The following PSPC1 variants were observed in gnomAD, a reference collection of about 807,000 sequenced individuals.
The protein encoded by PSPC1 is paraspeckle component 1.
In PSPC1, 14 loss-of-function variants were observed where a neutral mutation model predicts 51.6. The ratio of observed to expected loss-of-function variants is 0.27; its 90% CI spans 0.18 to 0.42. The LOEUF is 0.42. PSPC1 is among the 10% of genes least tolerant of loss of function. The pLI is 1.00. For synonymous variants in PSPC1, 193 were observed against 231.9 expected (o/e 0.83, Z 1.53); for missense variants, 406 against 701.1 (o/e 0.58, Z 4.75).
chr13:19,751,515 C>T (rs760617138), intron 3 of PSPC1, 48 bp from the exon 4 acceptor site: 60 of 1,332,006 alleles, frequency 4.5e-5, no homozygotes, highest in Non-Finnish European at 5.5e-5. Flanking sequence ...AAAGGTAAAA[C>T]AACAACAAAT....
chr13:19,678,023 T>C (rs150444208), intron 6 of PSPC1: 99 of 333,952 alleles, frequency 3.0e-4, no homozygotes, highest in African/African-American at 1.9e-3. Context: ...TCAAAGAACA[T>C]CAACTGAATT....
intron 6 of PSPC1, among the ~76,000 whole-genome samples, chr13:19,724,947 C>T (rs142769974): frequency 0.01 from 1,545 of 151,942 alleles, 27 homozygotes; most frequent in African/African-American, 0.035. Context: ...TGGAGTGGGC[C>T]GAAATCATGT....
chr13:19,729,768 T>A (rs961006570), intron 6 of PSPC1, among the ~76,000 whole-genome samples: 10 of 152,130 alleles, frequency 6.6e-5, no homozygotes, highest in Admixed American at 3.9e-4. Flanking sequence ...ATACTGAAAA[T>A]AAAATTATAT....
intron 6 of PSPC1, chr13:19,678,462 T>G (rs1042554273): frequency 2.0e-5 from 3 of 152,194 alleles, no homozygotes; most frequent in African/African-American, 7.2e-5. Context: ...CATACACAAT[T>G]GCATTTTGGG....
chr13:19,692,366 T>C (rs569487402), intron 6 of PSPC1, among the ~76,000 whole-genome samples: 17 of 152,164 alleles, frequency 1.1e-4, no homozygotes, highest in African/African-American at 2.9e-4. Flanking sequence ...TCCACCCACC[T>C]TGACCTCCCA....
intron 6 of PSPC1, among the ~76,000 whole-genome samples, chr13:19,688,128 C>G (rs1878140016): frequency 6.6e-6 from 1 of 152,096 alleles, no homozygotes; most frequent in African/African-American, 2.4e-5. Flanking sequence ...TCGTCTAATG[C>G]TCCCACCTCC....
intron 6 of PSPC1, among the ~76,000 whole-genome samples, chr13:19,692,577 C>A (rs1044631342): frequency 6.6e-6 from 1 of 152,072 alleles, no homozygotes; most frequent in Non-Finnish European, 1.5e-5. Context: ...TTTTAAAAAT[C>A]CCAACCAACC....
intron 3 of PSPC1, among the ~76,000 whole-genome samples, chr13:19,754,119 T>C (rs542636741): frequency 6.6e-5 from 10 of 152,084 alleles, no homozygotes; most frequent in Non-Finnish European, 1.3e-4. Context: ...AGTTTCATTC[T>C]TGTAGCCCAG....
chr13:19,759,327 G>A lies in PSPC1; in HGVS notation c.766C>T (p.His256Tyr). ...EKLMQKTQQY[H>Y]KEREQPPRFA... ...TATCTATTAATAAAATCTTACTTAT[G>A]ATATTGTTGAGTTTTCTGCATCAGC... The change falls in exon 3 of 9, where the codon CAT (histidine) becomes TAT (tyrosine). Residue 256 changes from histidine to tyrosine, a missense_variant. By Grantham distance (83) the His-to-Tyr change is moderately conservative. Coordinates refer to ENST00000338910, the MANE Select transcript of PSPC1 (RefSeq NM_001354909.2). 6.2e-7 allele frequency: 1 copy of A among 1,610,094 alleles called. No individual in the cohort carries two copies. Among genetic ancestry groups the A allele is most frequent in the Non-Finnish European group, 8.5e-7 (1 of 1,176,410 alleles).
intron 1 of PSPC1, among the ~76,000 whole-genome samples, chr13:19,775,359 T>C (rs377767266): frequency 7.7e-6 from 1 of 129,860 alleles, no homozygotes; most frequent in South Asian, 2.4e-4. Context: ...CTCAAAAAAA[T>C]AAATAGACAA....
rs1890122746 is a variant in PSPC1 at position 19,782,823 on chromosome 13, G to A, written c.-66C>T. On this transcript the variant is annotated 5_prime_UTR_variant, in exon 1 of 9. Coordinates refer to ENST00000338910, the MANE Select transcript of PSPC1 (RefSeq NM_001354909.2). This position sits in a 1 kb window ranked among gnomAD's most constrained non-coding sequence, Gnocchi z 4.5. Reference sequence around the variant, plus strand: ...TTATAGACAGTGTGTCTATATATATGTATACGTCTCTACATAAACCTATGC... The same window carrying A: ...TTATAGACAGTGTGTCTATATATATATATACGTCTCTACATAAACCTATGC... 2 of 1,432,712 alleles carry A rather than the reference G, an allele frequency of 1.4e-6. No homozygotes were observed. Among genetic ancestry groups the A allele is most frequent in the Admixed American group, 2.8e-5 (1 of 35,816 alleles). 88.7% of individuals were successfully genotyped at this position (1,432,712 alleles called of 1,614,324 possible).
In PSPC1 at chr13:19,782,905, C is replaced by G. The variant is rs907678250; in HGVS notation, c.-148G>C. The G allele has an allele frequency of 1.8e-5, 15 of 856,596 alleles. No individual in the cohort carries two copies. The highest frequency in any genetic ancestry group is 5.3e-5 in the African/African-American group (3 of 56,894). 53.1% of individuals were successfully genotyped at this position (856,596 alleles called of 1,614,324 possible). The stretch of plus-strand genomic sequence containing the variant: ...GGTAGGCGAGTCGGCAACCCGTCCT[C>G]CCCCAACTCACGCCCGCTGCAGCTG... On this transcript the variant is annotated 5_prime_UTR_variant, in exon 1 of 9. Coordinates refer to ENST00000338910, the MANE Select transcript of PSPC1 (RefSeq NM_001354909.2). The surrounding 1 kb of genome is among the most constrained non-coding windows in gnomAD (Gnocchi z 4.5).
intron 7 of PSPC1, chr13:19,675,630 A>G (rs544796599): frequency 3.9e-5 from 6 of 152,200 alleles, no homozygotes; most frequent in African/African-American, 1.2e-4. Flanking sequence ...CACGAACAGG[A>G]TATTTCCCAC....
intron 4 of PSPC1, among the ~76,000 whole-genome samples, chr13:19,744,477 A>T (rs1283267414): frequency 6.6e-6 from 1 of 152,224 alleles, no homozygotes; most frequent in Non-Finnish European, 1.5e-5. Flanking sequence ...TATTTCACTA[A>T]AGCTTATACA....
At chr13:19,708,939 A>G (rs1370523954) in intron 7 of PSPC1, among the ~76,000 whole-genome samples, 2 of 152,002 alleles carry the variant, frequency 1.3e-5, no homozygotes, top group African/African-American at 4.8e-5. Context: ...GATGGGGGTA[A>G]ACTGCTTGAG....
At chr13:19,687,982 T>G (rs1878117947) in intron 6 of PSPC1, among the ~76,000 whole-genome samples, 1 of 152,062 alleles carries the variant, frequency 6.6e-6, no homozygotes, top group Non-Finnish European at 1.5e-5. Context: ...TTGCTCACGG[T>G]GGGCCCACTC....
chr13:19,764,668 A>C (rs1013700859), intron 2 of PSPC1, among the ~76,000 whole-genome samples: 1 of 134,316 alleles, frequency 7.4e-6, no homozygotes, highest in African/African-American at 2.9e-5. Flanking sequence ...CCTGGGTAAG[A>C]GCAGAACTTG....
chr13:19,697,079 G>C (rs1593551804), intron 6 of PSPC1, among the ~76,000 whole-genome samples: 2 of 152,120 alleles, frequency 1.3e-5, no homozygotes, highest in African/African-American at 4.8e-5. Flanking sequence ...ACAGTGTACT[G>C]GGACAGTCAA....
At chr13:19,721,015 T>G (rs1273291872) in intron 6 of PSPC1, among the ~76,000 whole-genome samples, 1 of 108,726 alleles carries the variant, frequency 9.2e-6, no homozygotes, top group African/African-American at 2.9e-5. Context: ...TCTCACTAGT[T>G]GTTACTTAAT....
Sources: allele counts gnomAD v4.1 joint callset (sites outside exome capture counted in the v4.1 genomes callset), GRCh38; gene constraint gnomAD v4.1.1; non-coding constraint Gnocchi (gnomAD v3.1); transcripts MANE v1.5; gene names NCBI Gene and HGNC (gene_info 2026-07-23, HGNC 2026-07-21).